Variants in PTPN12 observed in about 807,000 individuals in gnomAD.
PTPN12 encodes tyrosine-protein phosphatase non-receptor type 12.
In PTPN12, 29 loss-of-function variants were observed where a neutral mutation model predicts 97.6. That is an observed-to-expected ratio of 0.30 (90% CI 0.22 to 0.41). The LOEUF (loss-of-function observed/expected upper bound fraction) is 0.41. Among genes scored for constraint, PTPN12 ranks in the 10% least tolerant of loss-of-function variants. PTPN12 has a pLI of 1.00. For synonymous variants in PTPN12, 327 were observed against 300.4 expected, an observed-to-expected ratio of 1.09 and a Z score of -0.91; for missense variants, 819 against 926.0, an observed-to-expected ratio of 0.88 and a Z score of 1.50.
chr7:77,621,777 A>G (rs1788948121), intron 12 of PTPN12, among the ~76,000 whole-genome samples: 1 of 152,214 alleles, frequency 6.6e-6, no homozygotes, highest in Non-Finnish European at 1.5e-5. Context: ...CTGACAGCAT[A>G]GTAGCTTTGT....
At chr7:77,572,831 T>C (rs1199643847) in intron 2 of PTPN12, among the ~76,000 whole-genome samples, 1 of 152,090 alleles carries the variant, frequency 6.6e-6, no homozygotes, top group African/African-American at 2.4e-5. Flanking sequence ...ACGCCTATAA[T>C]CCCAGCACTT....
rs570765310 is a variant in PTPN12 at position 77,559,258 on chromosome 7, G to A, written c.100-11820G>A. ...ATTAGAAGAGGATTTTTGAAAGCTT[G>A]TGCCTAGTTTCTTCTGGACTTTGCC... On this transcript the variant is annotated intron_variant, in intron 1 of 17. Coordinates refer to ENST00000248594, the MANE Select transcript of PTPN12 (RefSeq NM_002835.4). Among the ~76,000 whole-genome samples, 23 of 152,276 alleles carry A rather than the reference G, an allele frequency of 1.5e-4. No individual in the cohort carries two copies. In the South Asian group the frequency reaches 4.8e-3, roughly 32 times the overall value.
At chr7:77,605,157 T>TA (rs1432231422) in intron 8 of PTPN12, among the ~76,000 whole-genome samples, 1 of 152,114 alleles carries the variant, frequency 6.6e-6, no homozygotes, top group Non-Finnish European at 1.5e-5. Flanking sequence ...TTAAGAGTTT[T>TA]AAAAAATCTT....
At chr7:77,580,146 C>A (rs910835367) in intron 2 of PTPN12, among the ~76,000 whole-genome samples, 2 of 152,156 alleles carry the variant, frequency 1.3e-5, no homozygotes, top group African/African-American at 2.4e-5. Context: ...TGATGGAATT[C>A]TCTGTTACAC....
At chr7:77,631,787 ATCTT>A (rs1246115590) in intron 13 of PTPN12, among the ~76,000 whole-genome samples, 1 of 152,236 alleles carries the variant, frequency 6.6e-6, no homozygotes. Context: ...TAATAGCTAT[ATCTT>A]TATCTGTTTT....
At chr7:77,602,739 A>C (rs1788230101) in intron 8 of PTPN12, among the ~76,000 whole-genome samples, 1 of 152,162 alleles carries the variant, frequency 6.6e-6, no homozygotes, top group Admixed American at 6.6e-5. Context: ...AGCTACTTGA[A>C]TCCTTAGACA....
chr7:77,582,081 G>GTTTTTTTTTTT (rs1237836254), intron 3 of PTPN12, among the ~76,000 whole-genome samples: 6 of 74,324 alleles, frequency 8.1e-5, no homozygotes, highest in Admixed American at 1.5e-4. Flanking sequence ...AAGCAGTCAA[G>GTTTTTTTTTTT]TTCTTTTTTT....
At position 77,592,832 on chromosome 7, in the gene PTPN12, TA is replaced by T. The variant is rs555558663; in HGVS notation, c.492+583del. On this transcript the variant is annotated intron_variant, in intron 6 of 17. Coordinates refer to ENST00000248594, the MANE Select transcript of PTPN12 (RefSeq NM_002835.4). ...CACAGCAAAAATCTGAGAAAATGAA[TA>T]AAAAAATGAAAACAGTGAAGGAAAT... Among the ~76,000 whole-genome samples the T allele has an allele frequency of 1.7e-3, 253 of 150,692 alleles. 2 individuals carry two copies. The highest frequency in any genetic ancestry group is 5.6e-3 in the African/African-American group (229 of 41,000).
intron 2 of PTPN12, among the ~76,000 whole-genome samples, chr7:77,579,553 T>C (rs749804756): frequency 2.0e-5 from 3 of 152,242 alleles, no homozygotes; most frequent in Non-Finnish European, 4.4e-5. Context: ...CATTGTCTTA[T>C]GGTTATATAA....
At chr7:77,611,865 T>C (rs542611706) in intron 11 of PTPN12, among the ~76,000 whole-genome samples, 57 of 152,360 alleles carry the variant, frequency 3.7e-4, no homozygotes, top group African/African-American at 1.3e-3. Context: ...ATATTCAACT[T>C]CTAGACCTGA....
intron 1 of PTPN12, chr7:77,537,935 A>T (rs1584073966): frequency 1.6e-6 from 1 of 618,270 alleles, no homozygotes; most frequent in Non-Finnish European, 2.1e-6. Flanking sequence ...GCGACCACCT[A>T]TTGTTTACCG....
At chr7:77,555,083 C>T (rs117021080) in intron 1 of PTPN12, among the ~76,000 whole-genome samples, 2,785 of 152,182 alleles carry the variant, frequency 0.018, 34 homozygotes, top group Middle Eastern at 0.071. Flanking sequence ...GTTTTTTCTT[C>T]TCAATATGAT....
chr7:77,541,769 C>G (rs991790013), intron 1 of PTPN12, among the ~76,000 whole-genome samples: 1 of 152,022 alleles, frequency 6.6e-6, no homozygotes, highest in Non-Finnish European at 1.5e-5. Context: ...TATTCCTGGC[C>G]TTGGTTGTGC....
At chr7:77,548,059 C>G (rs1255289537) in intron 1 of PTPN12, among the ~76,000 whole-genome samples, 1 of 152,120 alleles carries the variant, frequency 6.6e-6, no homozygotes, top group Non-Finnish European at 1.5e-5. Flanking sequence ...AAAATTGAGT[C>G]CTTGTCACAT....
intron 13 of PTPN12, 151 bp downstream of exon 13, chr7:77,627,826 A>G (rs904301683): frequency 2.8e-6 from 2 of 720,610 alleles, no homozygotes; most frequent in African/African-American, 3.6e-5. Flanking sequence ...TTTTTAATAT[A>G]AGCTTTTAAT....
chr7:77,588,350 A>C (rs1787757951), intron 5 of PTPN12, among the ~76,000 whole-genome samples: 2 of 152,208 alleles, frequency 1.3e-5, no homozygotes, highest in African/African-American at 4.8e-5. Flanking sequence ...AAGCCCAAGG[A>C]GAGGAAGAGA....
At chr7:77,621,961 GTTTTA>G (rs1463736589) in intron 12 of PTPN12, among the ~76,000 whole-genome samples, 6 of 152,066 alleles carry the variant, frequency 3.9e-5, no homozygotes, top group East Asian at 1.9e-4. Context: ...AATTCTTTCT[GTTTTA>G]TTTTGTTTTG....
In PTPN12 at chr7:77,581,503, G is replaced by T; in HGVS notation, c.285G>T (p.Lys95Asn). Residue 95 changes from lysine (K) to asparagine (N), a missense_variant and splice_region_variant, in exon 3 of 18, where the codon AAG becomes AAT. Lys to Asn is a moderately conservative substitution (Grantham distance 94, BLOSUM62 0). This residue lies in a region of PTPN12 where 66 missense variants were observed against 133.6 expected (regional missense o/e 0.49). Transcript: ENST00000248594. ...ACTATATCAATGCAAATTTTATAAAGGTATGTACTAACTTTAAATGGTGTT... is the reference window on the plus strand; with the variant it reads ...ACTATATCAATGCAAATTTTATAAATGTATGTACTAACTTTAAATGGTGTT... The part of the protein sequence containing the change: ...DSDYINANFI[K>N]GVYGPKAYVA... The T allele has an allele frequency of 6.5e-7, 1 of 1,544,536 alleles. No individual in the cohort carries two copies. The highest frequency in any genetic ancestry group is 8.9e-7 in the Non-Finnish European group (1 of 1,127,654).
chr7:77,593,112 T>C (rs1161767556), intron 6 of PTPN12, among the ~76,000 whole-genome samples: 3 of 151,908 alleles, frequency 2.0e-5, no homozygotes, highest in Non-Finnish European at 4.4e-5. Context: ...CTACTAAAAA[T>C]ACAAAAATTA....
Sources: gnomAD v4.1 joint callset for allele counts (sites outside exome capture counted in the v4.1 genomes callset) on GRCh38, gnomAD v4.1.1 for gene constraint, gnomAD v4.1.1 regional missense constraint, MANE v1.5 for transcripts, NCBI Gene and HGNC (gene_info 2026-07-23, HGNC 2026-07-21) for gene names.